FER: variants seen among roughly 807,000 people sequenced by gnomAD.
FER encodes FER tyrosine kinase.
Under a neutral mutation model 111.0 loss-of-function variants are expected in FER, and 63 were observed. That is an observed-to-expected ratio of 0.57 (90% CI 0.46 to 0.70). The LOEUF (loss-of-function observed/expected upper bound fraction) is 0.70, where lower values mean the gene tolerates loss of function less well. Among genes scored for constraint, FER ranks in the 30% least tolerant of loss-of-function variants. FER has a pLI of 0.00. For synonymous variants in FER, 327 were observed against 313.9 expected, an observed-to-expected ratio of 1.04 and a Z score of -0.44; for missense variants, 914 against 954.0, an observed-to-expected ratio of 0.96 and a Z score of 0.55.
intron 13 of FER, among the ~76,000 whole-genome samples, chr5:109,030,258 C>G (rs1769409150): frequency 6.6e-6 from 1 of 152,022 alleles, no homozygotes; most frequent in African/African-American, 2.4e-5. Context: ...GTGCATTTTT[C>G]TGGCAGCTTT....
chr5:109,061,351 T>C (rs1774390515), intron 16 of FER, among the ~76,000 whole-genome samples: 1 of 152,144 alleles, frequency 6.6e-6, no homozygotes, highest in Non-Finnish European at 1.5e-5. Flanking sequence ...ATATATAGTA[T>C]CTTACATTTA....
intron 17 of FER, among the ~76,000 whole-genome samples, chr5:109,119,496 G>C (rs1426044200): frequency 6.6e-6 from 1 of 152,172 alleles, no homozygotes; most frequent in Non-Finnish European, 1.5e-5. Flanking sequence ...TTGATTTGGG[G>C]TGGAGAGTTC....
intron 17 of FER, among the ~76,000 whole-genome samples, chr5:109,180,287 T>G (rs759012391): frequency 1.3e-5 from 2 of 152,190 alleles, no homozygotes; most frequent in Non-Finnish European, 2.9e-5. Context: ...CAGTATCTAC[T>G]AGGCACATGC....
chr5:108,794,677 T>C (rs1296750104), intron 2 of FER, among the ~76,000 whole-genome samples: 1 of 152,156 alleles, frequency 6.6e-6, no homozygotes, highest in Non-Finnish European at 1.5e-5. Flanking sequence ...GGTAAACTTT[T>C]TTTTTCCTTC....
At chr5:108,754,926 C>T (rs1166880586) in intron 1 of FER, among the ~76,000 whole-genome samples, 5 of 152,160 alleles carry the variant, frequency 3.3e-5, no homozygotes, top group African/African-American at 1.2e-4. Context: ...TGTGGAAGTA[C>T]CACGTATAAT....
At chr5:108,943,773 G>T (rs768605292) in intron 10 of FER, among the ~76,000 whole-genome samples, 4 of 151,896 alleles carry the variant, frequency 2.6e-5, no homozygotes, top group Non-Finnish European at 5.9e-5. Flanking sequence ...TTGCTCTGTT[G>T]CCCAGGCTGG....
intron 11 of FER, among the ~76,000 whole-genome samples, chr5:108,947,966 C>G (rs1757206748): frequency 6.6e-6 from 1 of 151,962 alleles, no homozygotes; most frequent in Non-Finnish European, 1.5e-5. Context: ...AAGTGATCCT[C>G]CCTCCTCGGC....
intron 16 of FER, among the ~76,000 whole-genome samples, chr5:109,079,332 G>A (rs1348760678): frequency 6.6e-6 from 1 of 152,086 alleles, no homozygotes; most frequent in Non-Finnish European, 1.5e-5. Flanking sequence ...GATGTTTATT[G>A]GGAGGGGTGG....
At chr5:108,834,871 AT>A (rs1760450527) in intron 4 of FER, among the ~76,000 whole-genome samples, 1 of 152,088 alleles carries the variant, frequency 6.6e-6, no homozygotes. Flanking sequence ...GTGATACAGA[AT>A]TTCTTTAAAA....
intron 10 of FER, among the ~76,000 whole-genome samples, chr5:108,922,102 G>A (rs1367282901): frequency 6.6e-6 from 1 of 152,174 alleles, no homozygotes; most frequent in Non-Finnish European, 1.5e-5. Flanking sequence ...GCTATCACAA[G>A]CAAAGGAATG....
rs563437978 is a variant in FER at position 109,124,154 on chromosome 5, G to A, written c.2048+23635G>A. On this transcript the variant is annotated intron_variant, in intron 17 of 19. Transcript: ENST00000281092. ...AGGTGGGAAAATTGACAGAACCTGG[G>A]AAGTCGAGGCTGCAGTGTGCCATGA... Among the ~76,000 whole-genome samples, 153 of 152,296 alleles carry A rather than the reference G, an allele frequency of 1.0e-3. 1 individual carries two copies. The highest frequency in any genetic ancestry group is 1.9e-3 in the Non-Finnish European group (128 of 68,026).
chr5:108,938,476 C>T (rs552881291), intron 10 of FER, among the ~76,000 whole-genome samples: 3 of 151,908 alleles, frequency 2.0e-5, no homozygotes, highest in Admixed American at 6.6e-5. Flanking sequence ...ATGTGATACT[C>T]GGTAACAGTG....
At chr5:109,050,888 A>C (rs1343939546) in intron 16 of FER, among the ~76,000 whole-genome samples, 1 of 152,308 alleles carries the variant, frequency 6.6e-6, no homozygotes, top group African/African-American at 2.4e-5. Context: ...AAAAGACCTA[A>C]GATGTTCAGG....
At chr5:109,178,388 TA>T (rs1757936637) in intron 17 of FER, among the ~76,000 whole-genome samples, 1 of 152,234 alleles carries the variant, frequency 6.6e-6, no homozygotes, top group African/African-American at 2.4e-5. Context: ...GACAAATCTC[TA>T]AACTGGTGAT....
rs201903727 is a variant in FER at position 109,145,926 on chromosome 5, TA to T, written c.2049-34811del. 4.4e-3 allele frequency among the ~76,000 whole-genome samples: 647 copies of T among 148,596 alleles called. 4 individuals carry two copies. Among genetic ancestry groups the T allele is most frequent in the African/African-American group, 0.014 (588 of 40,656 alleles). Reference sequence around the variant, plus strand: ...AATTTATAAGCTGTATGTTATTATTTAAAAAAAAAATCAATAATCTCCCAGA... The same window carrying T: ...AATTTATAAGCTGTATGTTATTATTTAAAAAAAAATCAATAATCTCCCAGA... On this transcript the variant is annotated intron_variant, in intron 17 of 19. Transcript: ENST00000281092.
chr5:108,806,551 G>A (rs1451132637), intron 3 of FER, among the ~76,000 whole-genome samples: 1 of 152,212 alleles, frequency 6.6e-6, no homozygotes, highest in Non-Finnish European at 1.5e-5. Context: ...GCTGTACCCT[G>A]CAAAGCCACA....
intron 2 of FER, chr5:108,782,825 C>G (rs1282024912): frequency 6.6e-6 from 1 of 152,028 alleles, no homozygotes; most frequent in Admixed American, 6.6e-5. Flanking sequence ...TTTTTCTTTT[C>G]TGCCAATAGA....
intron 5 of FER, among the ~76,000 whole-genome samples, chr5:108,861,277 AAAGT>A (rs1763490322): frequency 6.6e-6 from 1 of 152,250 alleles, no homozygotes; most frequent in Non-Finnish European, 1.5e-5. Flanking sequence ...TATAATAAAA[AAAGT>A]GACTTTTTAG....
Position 108,971,348 on chromosome 5 carries a change from A to T in FER, c.1656+12001A>T, listed in dbSNP as rs141175370. 7.6e-3 allele frequency among the ~76,000 whole-genome samples: 1,150 copies of T among 151,520 alleles called. 11 individuals carry two copies. The highest frequency in any genetic ancestry group is 0.027 in the African/African-American group (1,124 of 41,460). On this transcript the variant is annotated intron_variant, in intron 13 of 19. Transcript: ENST00000281092. ...GTACTGGAGAAAAATAAGTAATGGT[A>T]GGAATTCAGAAATAGTAAATAAAAT...
Sources: allele counts gnomAD v4.1 joint callset (sites outside exome capture counted in the v4.1 genomes callset), GRCh38; gene constraint gnomAD v4.1.1; transcripts MANE v1.5; gene names NCBI Gene and HGNC (gene_info 2026-07-23, HGNC 2026-07-21).